The following AXDND1 variants were observed in gnomAD, a reference collection of about 807,000 sequenced individuals.
The protein encoded by AXDND1 is axonemal dynein light chain domain containing 1.
AXDND1 carries 110 observed loss-of-function variants against 137.5 expected under a neutral mutation model. That is an observed-to-expected ratio of 0.80 (90% confidence interval 0.69 to 0.94). The LOEUF is 0.94. Ranked by LOEUF, AXDND1 falls within the 40% of genes least tolerant of loss-of-function variation. The pLI, the probability that AXDND1 is intolerant of heterozygous loss-of-function variation, is 0.00. For synonymous variants in AXDND1, 414 were observed against 399.7 expected (o/e 1.04, Z -0.43); for missense variants, 1,191 against 1,169.8 (o/e 1.02, Z -0.26).
chr1:179,429,648 A>G (rs765080925), intron 13 of AXDND1, 29 bp downstream of exon 13: 2 of 1,344,798 alleles, frequency 1.5e-6, no homozygotes, highest in Non-Finnish European at 2.0e-6. Context: ...CAGTTATGGG[A>G]AAAAAAGATG....
At chr1:179,420,709 A>G (rs1181989917) in intron 12 of AXDND1, among the ~76,000 whole-genome samples, 1 of 148,326 alleles carries the variant, frequency 6.7e-6, no homozygotes, top group African/African-American at 2.5e-5. Flanking sequence ...TGCAACCTCC[A>G]TTTCCCAGGT....
intron 16 of AXDND1, 67 bp downstream of exon 16, chr1:179,445,271 A>G: frequency 1.8e-6 from 2 of 1,093,658 alleles, no homozygotes; most frequent in Non-Finnish European, 2.5e-6. Flanking sequence ...TATTTTCAAT[A>G]CAATGAATAT....
chr1:179,448,824 G>A lies in AXDND1; in HGVS notation c.1798+3620G>A, dbSNP rs568067217. ...TAAATTTAAAGTCATGAAGATTTAC[G>A]TTTAGTTCTTCTAAGAGTTTTATAG... is the stretch of plus-strand genomic sequence containing the variant. On this transcript the variant is annotated intron_variant, in intron 16 of 25. Coordinates refer to ENST00000367618, the MANE Select transcript of AXDND1 (RefSeq NM_144696.6). The A allele has an allele frequency of 5.4e-4, 87 of 160,900 alleles. 3 individuals carry two copies. The South Asian group carries it at 0.013, about 25-fold the overall frequency. The allele number at this position is 160,900 out of a possible 1,614,324, so 10.0% of individuals were successfully genotyped here. A position where few individuals can be genotyped will look rare whatever the true frequency, so the allele number is the denominator to read the frequency against.
chr1:179,385,095 T>A (rs1648989048), intron 8 of AXDND1, 143 bp from the exon 9 acceptor site: 1 of 752,496 alleles, frequency 1.3e-6, no homozygotes, highest in South Asian at 1.9e-5. Flanking sequence ...ATATCACTTT[T>A]GTATATATAT....
At chr1:179,432,198 T>A in intron 14 of AXDND1, 69 bp from the exon 15 acceptor site, 1 of 1,457,006 alleles carries the variant, frequency 6.9e-7, no homozygotes, top group South Asian at 1.3e-5. Context: ...TAGTCTTTAG[T>A]GTGTGAACTG....
rs1659913777 is a variant in AXDND1, at chr1:179,447,569, A to G, written c.1798+2365A>G. On this transcript the variant is annotated intron_variant, in intron 16 of 25. Transcript: ENST00000367618. Reference sequence around the variant, plus strand: ...TATGTATAAAATACATGTTTTAAAGAATGAAGTTGAAGAAAGGTTCAACTT... The same window carrying G: ...TATGTATAAAATACATGTTTTAAAGGATGAAGTTGAAGAAAGGTTCAACTT... The G allele has an allele frequency of 4.3e-6, 4 of 937,088 alleles. No individual in the cohort carries two copies. The East Asian group carries it at 7.8e-5, about 18-fold the overall frequency. The allele number at this position is 937,088 out of a possible 1,614,324, so 58.0% of individuals were successfully genotyped here. A position where few individuals can be genotyped will look rare whatever the true frequency, so the allele number is the denominator to read the frequency against.
intron 16 of AXDND1, among the ~76,000 whole-genome samples, chr1:179,466,085 C>T (rs145962679): frequency 0.03 from 4,517 of 152,170 alleles, 252 homozygotes; most frequent in African/African-American, 0.1. Context: ...GAGGCAATGC[C>T]CCGCCCTGCT....
rs1553312159 is a variant in AXDND1, at chr1:179,551,190, CTTTCTT to C, written c.3032-3318_3032-3313del. Reference sequence around the variant, plus strand: ...CATCCTTCCTATAACATGGGAGAGTCTTTCTTTTTAGGATTTAGTGGCTCAACAGGT... The same window carrying C: ...CATCCTTCCTATAACATGGGAGAGTCTTTAGGATTTAGTGGCTCAACAGGT... On this transcript the variant is annotated intron_variant, in intron 25 of 25. Transcript: ENST00000367618. 2.5e-6 allele frequency: 4 copies of C among 1,614,026 alleles called. No individual in the cohort carries two copies. The highest frequency in any genetic ancestry group is 2.2e-5 in the South Asian group (2 of 91,072).
chr1:179,398,091 G>T (rs1651349196), intron 11 of AXDND1, among the ~76,000 whole-genome samples: 1 of 152,190 alleles, frequency 6.6e-6, no homozygotes, highest in Non-Finnish European at 1.5e-5. Context: ...CAGAGTCCTT[G>T]TGTTGTTTTT....
chr1:179,541,833 C>T (rs955467276), intron 25 of AXDND1, among the ~76,000 whole-genome samples: 28 of 152,140 alleles, frequency 1.8e-4, no homozygotes, highest in African/African-American at 4.8e-4. Context: ...AAACAACCTA[C>T]GTGTTCAATC....
chr1:179,434,989 C>T (rs1406719970), intron 15 of AXDND1, among the ~76,000 whole-genome samples: 1 of 152,126 alleles, frequency 6.6e-6, no homozygotes, highest in Non-Finnish European at 1.5e-5. Context: ...GCAACTTCAG[C>T]AAAATCACAG....
intron 21 of AXDND1, among the ~76,000 whole-genome samples, chr1:179,513,732 A>C (rs1669263948): frequency 6.6e-6 from 1 of 151,880 alleles, no homozygotes; most frequent in Admixed American, 6.6e-5. Flanking sequence ...TTACCATTTA[A>C]ATCTTGGTGC....
chr1:179,495,360 T>C (rs1382670789), intron 20 of AXDND1, among the ~76,000 whole-genome samples: 4 of 152,174 alleles, frequency 2.6e-5, no homozygotes, highest in Admixed American at 2.0e-4. Flanking sequence ...TTTATTTCTT[T>C]AAGCAAAGTT....
At chr1:179,492,104 T>G (rs1386624229) in intron 19 of AXDND1, among the ~76,000 whole-genome samples, 1 of 152,290 alleles carries the variant, frequency 6.6e-6, no homozygotes, top group Non-Finnish European at 1.5e-5. Context: ...GACAGAGTTT[T>G]CTTCTGTCAC....
Position 179,444,962 on chromosome 1 carries a change from C to G in AXDND1, c.1564-8C>G. 1 of 1,573,042 alleles carries G rather than the reference C, an allele frequency of 6.4e-7. No individual in the cohort carries two copies. Among genetic ancestry groups the G allele is most frequent in the Non-Finnish European group, 8.7e-7 (1 of 1,144,642 alleles). On this transcript the variant is annotated splice_polypyrimidine_tract_variant and splice_region_variant and intron_variant, in intron 15 of 25. Transcript: ENST00000367618. ...TATGCTACTCTCCCTCTTCCTTTCA[C>G]TCTTTAGATCCTGAATGAGAAAAAA...
intron 25 of AXDND1, among the ~76,000 whole-genome samples, chr1:179,540,717 C>T (rs1294652740): frequency 3.3e-5 from 5 of 152,334 alleles, no homozygotes; most frequent in East Asian, 1.9e-4. Flanking sequence ...AGAGCTCGAT[C>T]GCCATGCTGG....
At chr1:179,513,149 CAG>C (rs1669210952) in intron 21 of AXDND1, among the ~76,000 whole-genome samples, 1 of 152,112 alleles carries the variant, frequency 6.6e-6, no homozygotes, top group African/African-American at 2.4e-5. Flanking sequence ...TTCCAGTTCT[CAG>C]AGAGAATGCT....
At chr1:179,389,069 A>G (rs1014949421) in intron 9 of AXDND1, among the ~76,000 whole-genome samples, 3 of 131,982 alleles carry the variant, frequency 2.3e-5, no homozygotes, top group Non-Finnish European at 3.1e-5. Flanking sequence ...CCACCTCCGC[A>G]TTCAAGTGAT....
intron 11 of AXDND1, among the ~76,000 whole-genome samples, chr1:179,402,967 A>G (rs2125180429): frequency 6.6e-6 from 1 of 152,296 alleles, no homozygotes; most frequent in South Asian, 2.1e-4. Flanking sequence ...CTTACTTGAA[A>G]CAGTGTCTTT....
Sources: allele counts gnomAD v4.1 joint callset (sites outside exome capture counted in the v4.1 genomes callset), GRCh38; gene constraint gnomAD v4.1.1; transcripts MANE v1.5; gene names NCBI Gene and HGNC (gene_info 2026-07-23, HGNC 2026-07-21).